NRG3: variants seen among roughly 807,000 people sequenced by gnomAD.
NRG3 encodes neuregulin 3.
In NRG3, 31 loss-of-function variants were observed where a neutral mutation model predicts 66.9. That is an observed-to-expected ratio of 0.46 (90% CI 0.35 to 0.63). The LOEUF (loss-of-function observed/expected upper bound fraction) is 0.63. Among genes scored for constraint, NRG3 ranks in the 20% least tolerant of loss-of-function variants. The pLI is 0.00. For missense variants in NRG3, 910 were observed against 878.9 expected (o/e 1.04, Z -0.45); for synonymous variants, 393 against 359.4 (o/e 1.09, Z -1.06).
chr10:81,996,419 A>G (rs2060941644), intron 1 of NRG3, among the ~76,000 whole-genome samples: 1 of 152,202 alleles, frequency 6.6e-6, no homozygotes, highest in South Asian at 2.1e-4. Context: ...CTCTGTCACA[A>G]TATAGTAAGT....
chr10:82,973,939 G>C (rs919549061), intron 7 of NRG3, 24 bp downstream of exon 7: 1 of 1,613,300 alleles, frequency 6.2e-7, no homozygotes, highest in Non-Finnish European at 8.5e-7. Context: ...ATCATGGTGG[G>C]TGTGGGCACC....
At chr10:82,074,088 C>A (rs1169651778) in intron 1 of NRG3, among the ~76,000 whole-genome samples, 3 of 149,026 alleles carry the variant, frequency 2.0e-5, no homozygotes, top group Non-Finnish European at 4.4e-5. Context: ...AAAAAAAAAA[C>A]AGCAGGGTTT....
chr10:82,476,069 T>C (rs781531100), intron 2 of NRG3, among the ~76,000 whole-genome samples: 6 of 151,888 alleles, frequency 4.0e-5, no homozygotes, highest in Middle Eastern at 3.2e-3. Context: ...AAATGGCCAA[T>C]AAGCACATGA....
chr10:82,984,673 G>C, intron 8 of NRG3: 1 of 1,128,962 alleles, frequency 8.9e-7, no homozygotes, highest in Non-Finnish European at 1.3e-6. Flanking sequence ...ACCCAGGGCT[G>C]AGAGGGTGGT....
At chr10:81,930,271 T>C (rs750835419) in intron 1 of NRG3, among the ~76,000 whole-genome samples, 1 of 152,140 alleles carries the variant, frequency 6.6e-6, no homozygotes, top group Non-Finnish European at 1.5e-5. Context: ...TCCAGCAAGA[T>C]GGTCCTCGCT....
chr10:82,785,118 A>T (rs2060292709), intron 3 of NRG3, among the ~76,000 whole-genome samples: 2 of 147,812 alleles, frequency 1.4e-5, no homozygotes, highest in Non-Finnish European at 1.5e-5. Context: ...AAAACCAAAC[A>T]CCGCATGTTC....
chr10:82,559,483 GC>G (rs1306438084), intron 2 of NRG3, among the ~76,000 whole-genome samples: 2 of 152,296 alleles, frequency 1.3e-5, no homozygotes, highest in African/African-American at 4.8e-5. Context: ...TCTATTATGA[GC>G]CATGCTGTGT....
At chr10:81,951,682 G>T (rs1849369066) in intron 1 of NRG3, among the ~76,000 whole-genome samples, 1 of 152,180 alleles carries the variant, frequency 6.6e-6, no homozygotes, top group Admixed American at 6.5e-5. Context: ...TGGTCAGGAA[G>T]CCCCTTTTGT....
At chr10:82,077,418 T>G (rs1160195439) in intron 1 of NRG3, among the ~76,000 whole-genome samples, 2 of 152,230 alleles carry the variant, frequency 1.3e-5, no homozygotes, top group Admixed American at 6.5e-5. Context: ...TCCACTCAGT[T>G]TAACAAATAT....
chr10:82,814,547 G>C (rs1474620551), intron 3 of NRG3, among the ~76,000 whole-genome samples: 1 of 152,144 alleles, frequency 6.6e-6, no homozygotes, highest in Non-Finnish European at 1.5e-5. Flanking sequence ...AAATAATTTA[G>C]TATTCTCTCA....
intron 3 of NRG3, among the ~76,000 whole-genome samples, chr10:82,760,481 A>T (rs2059259219): frequency 6.6e-6 from 1 of 152,138 alleles, no homozygotes; most frequent in African/African-American, 2.4e-5. Context: ...GAAGAGAAAA[A>T]CATTACTCTG....
At chr10:82,360,573 C>A (rs573061342) in intron 2 of NRG3, among the ~76,000 whole-genome samples, 285 of 152,272 alleles carry the variant, frequency 1.9e-3, no homozygotes, top group African/African-American at 6.5e-3. Context: ...ATCAGGAGAA[C>A]AAAGTAATTC....
intron 2 of NRG3, among the ~76,000 whole-genome samples, chr10:82,527,722 T>C (rs1461180198): frequency 3.3e-5 from 5 of 152,166 alleles, no homozygotes; most frequent in Non-Finnish European, 5.9e-5. Context: ...ATCTCCTACT[T>C]TGTAGTCCCC....
chr10:82,933,195 C>T (rs991545253), intron 4 of NRG3, among the ~76,000 whole-genome samples: 8 of 152,132 alleles, frequency 5.3e-5, no homozygotes, highest in Admixed American at 2.6e-4. Context: ...GAATCTCATC[C>T]GACAGTCAAC....
At chr10:82,851,843 C>T (rs766082746) in intron 3 of NRG3, among the ~76,000 whole-genome samples, 1 of 152,100 alleles carries the variant, frequency 6.6e-6, no homozygotes, top group Non-Finnish European at 1.5e-5. Context: ...AAATTGCGTA[C>T]TGTCACTTGG....
chr10:82,944,562 C>T (rs533968018), intron 4 of NRG3, among the ~76,000 whole-genome samples: 14 of 152,212 alleles, frequency 9.2e-5, no homozygotes, highest in Admixed American at 7.8e-4. Context: ...GATGATATGC[C>T]TAAACAGGTC....
intron 2 of NRG3, among the ~76,000 whole-genome samples, chr10:82,389,016 G>T (rs2086188042): frequency 6.6e-6 from 1 of 152,114 alleles, no homozygotes; most frequent in African/African-American, 2.4e-5. Flanking sequence ...GTAAAGCCTG[G>T]GGAATAGAGA....
chr10:82,811,981 C>A (rs143931058), intron 3 of NRG3, among the ~76,000 whole-genome samples: 1 of 152,212 alleles, frequency 6.6e-6, no homozygotes, highest in Non-Finnish European at 1.5e-5. Flanking sequence ...TGTCTTCAAG[C>A]CACACTTTAG....
At chr10:82,576,840 G>A (rs1319664575) in intron 2 of NRG3, among the ~76,000 whole-genome samples, 1 of 151,718 alleles carries the variant, frequency 6.6e-6, no homozygotes, top group Non-Finnish European at 1.5e-5. Flanking sequence ...ATAAACAAAT[G>A]TCTCTAGGCA....
Sources: allele counts gnomAD v4.1 joint callset (sites outside exome capture counted in the v4.1 genomes callset), GRCh38; gene constraint gnomAD v4.1.1; transcripts MANE v1.5; gene names NCBI Gene and HGNC (gene_info 2026-07-23, HGNC 2026-07-21).